The following GPHN variants were observed in gnomAD, a reference collection of about 807,000 sequenced individuals.
GPHN encodes gephyrin.
Under a neutral mutation model 95.5 loss-of-function variants are expected in GPHN, and 17 were observed. The ratio of observed to expected loss-of-function variants is 0.18; its 90% CI spans 0.12 to 0.27. The LOEUF (loss-of-function observed/expected upper bound fraction) is 0.27. GPHN is among the 10% of genes least tolerant of loss of function. GPHN has a pLI of 1.00. For synonymous variants in GPHN, 320 were observed against 322.5 expected, an observed-to-expected ratio of 0.99 and a Z score of 0.08; for missense variants, 660 against 978.1, an observed-to-expected ratio of 0.67 and a Z score of 4.34.
the GPHN span, among the ~76,000 whole-genome samples, chr14:67,443,371 C>G: frequency 6.6e-6 from 1 of 152,188 alleles, no homozygotes; most frequent in African/African-American, 2.4e-5. Flanking sequence ...ACACCTACCA[C>G]TACCACAAAG....
At chr14:66,561,393 A>G (rs926842192) in intron 1 of GPHN, among the ~76,000 whole-genome samples, 8 of 152,058 alleles carry the variant, frequency 5.3e-5, no homozygotes, top group African/African-American at 1.9e-4. Flanking sequence ...TTGATAAGCT[A>G]TTGATTATTG....
rs184285236 is a variant in GPHN at position 66,760,536 on chromosome 14, A to G, written c.144-15928A>G. Reference sequence around the variant, plus strand: ...GGGGGCCCACGCGGGTTCAACATGCATATCGAGAAGTGTTATTTCTGTTCA... The same window carrying G: ...GGGGGCCCACGCGGGTTCAACATGCGTATCGAGAAGTGTTATTTCTGTTCA... On this transcript the variant is annotated intron_variant, in intron 2 of 22. Transcript: ENST00000478722. 7.5e-3 allele frequency: 2,063 copies of G among 274,860 alleles called. 18 individuals are homozygous for G. The highest frequency in any genetic ancestry group is 9.8e-3 in the Non-Finnish European group (1,337 of 136,564). The allele number at this position is 274,860 out of a possible 1,614,324, so 17.0% of individuals were successfully genotyped here. A position where few individuals can be genotyped will look rare whatever the true frequency, so the allele number is the denominator to read the frequency against.
At chr14:66,531,032 T>C (rs1203270624) in intron 1 of GPHN, among the ~76,000 whole-genome samples, 3 of 147,658 alleles carry the variant, frequency 2.0e-5, no homozygotes, top group Non-Finnish European at 4.4e-5. Flanking sequence ...CTCAGCTCAC[T>C]GCAGCCTCCG....
chr14:66,629,171 A>ATC (rs1259356287), intron 1 of GPHN, among the ~76,000 whole-genome samples: 1 of 102,388 alleles, frequency 9.8e-6, no homozygotes, highest in African/African-American at 5.5e-5. Flanking sequence ...GTATATAAAT[A>ATC]TATATATACA....
intron 4 of GPHN, among the ~76,000 whole-genome samples, chr14:66,876,139 C>A (rs1461977458): frequency 2.0e-5 from 3 of 152,130 alleles, no homozygotes; most frequent in African/African-American, 7.2e-5. Flanking sequence ...AAACCTGCTC[C>A]TGAATAACTA....
chr14:67,390,878 C>G, the GPHN span: 2 of 746,132 alleles, frequency 2.7e-6, no homozygotes, highest in African/African-American at 3.4e-5. Flanking sequence ...AACCAGTCCA[C>G]AGGAAACCTG....
the GPHN span, among the ~76,000 whole-genome samples, chr14:67,243,270 T>A: frequency 6.6e-6 from 1 of 151,764 alleles, no homozygotes; most frequent in East Asian, 1.9e-4. Flanking sequence ...CACTGCAGTC[T>A]CCACCTCCCT....
chr14:67,733,558 C>A, the GPHN span, among the ~76,000 whole-genome samples: 1 of 151,994 alleles, frequency 6.6e-6, no homozygotes, highest in Non-Finnish European at 1.5e-5. Context: ...AATAAATAAG[C>A]CTGTGTATTA....
chr14:67,314,560 G>C, the GPHN span, among the ~76,000 whole-genome samples: 1 of 152,192 alleles, frequency 6.6e-6, no homozygotes, highest in Non-Finnish European at 1.5e-5. Flanking sequence ...TAGAATCTTG[G>C]AGTGTTGGGT....
chr14:67,727,463 A>C, the GPHN span: 1 of 405,582 alleles, frequency 2.5e-6, no homozygotes, highest in Non-Finnish European at 4.6e-6. Flanking sequence ...TTTGCAACAG[A>C]CAGAGGCTTT....
chr14:66,740,687 C>A (rs931567223), intron 2 of GPHN, among the ~76,000 whole-genome samples: 3 of 151,954 alleles, frequency 2.0e-5, no homozygotes, highest in Non-Finnish European at 2.9e-5. Context: ...ATATTTGGCT[C>A]TTATAGATTC....
the GPHN span, among the ~76,000 whole-genome samples, chr14:67,411,619 A>G: frequency 6.6e-6 from 1 of 152,208 alleles, no homozygotes; most frequent in African/African-American, 2.4e-5. Context: ...GGCCAACAGT[A>G]AGTGCTTAAG....
At chr14:67,694,906 C>T in the GPHN span, among the ~76,000 whole-genome samples, 1 of 152,104 alleles carries the variant, frequency 6.6e-6, no homozygotes, top group African/African-American at 2.4e-5. Flanking sequence ...TACTTAGAAC[C>T]AATAAGCAGG....
At chr14:66,775,489 T>C (rs2059348895) in intron 2 of GPHN, among the ~76,000 whole-genome samples, 2 of 152,198 alleles carry the variant, frequency 1.3e-5, no homozygotes, top group African/African-American at 4.8e-5. Context: ...TTTAATAATA[T>C]ATTTAACCCA....
intron 5 of GPHN, among the ~76,000 whole-genome samples, chr14:66,894,595 T>A (rs1313978418): frequency 6.6e-6 from 1 of 151,642 alleles, no homozygotes; most frequent in South Asian, 2.1e-4. Context: ...TGGGAGAAAA[T>A]TTTTGCAATC....
intron 21 of GPHN, among the ~76,000 whole-genome samples, chr14:67,170,460 AAGAG>A (rs1280168965): frequency 1.3e-5 from 2 of 152,324 alleles, no homozygotes; most frequent in South Asian, 2.1e-4. Flanking sequence ...ACATTATTAT[AAGAG>A]AGAGAGAAAG....
At chr14:67,719,210 G>A in the GPHN span, among the ~76,000 whole-genome samples, 1 of 152,196 alleles carries the variant, frequency 6.6e-6, no homozygotes, top group East Asian at 1.9e-4. Flanking sequence ...AAGACAATCA[G>A]TAAAAACAAA....
At chr14:67,196,771 A>C in the GPHN span, 2 of 152,256 alleles carry the variant, frequency 1.3e-5, no homozygotes, top group African/African-American at 4.8e-5. Context: ...GAGGATCATC[A>C]ACAACAGCTC....
chr14:66,614,399 A>T (rs1213579331), intron 1 of GPHN, among the ~76,000 whole-genome samples: 1 of 152,118 alleles, frequency 6.6e-6, no homozygotes, highest in East Asian at 1.9e-4. Context: ...CCCACTTTAA[A>T]ACCTACCATA....
Sources: allele counts gnomAD v4.1 joint callset (sites outside exome capture counted in the v4.1 genomes callset), GRCh38; gene constraint gnomAD v4.1.1; transcripts MANE v1.5; gene names NCBI Gene and HGNC (gene_info 2026-07-23, HGNC 2026-07-21).